Variants in AKAP10 observed in about 807,000 individuals in gnomAD.
The protein encoded by AKAP10 is A-kinase anchor protein 10, mitochondrial.
A neutral mutation model predicts 80.8 loss-of-function variants in AKAP10; 24 were observed. The ratio of observed to expected loss-of-function variants is 0.30; its 90% CI spans 0.22 to 0.42. The LOEUF is 0.42. Ranked by LOEUF, AKAP10 falls within the 10% of genes least tolerant of loss-of-function variation. The probability of loss-of-function intolerance (pLI) is 1.00; values close to 1 mark genes in which losing one functional copy is unlikely to be tolerated. For synonymous variants in AKAP10, 291 were observed against 277.7 expected, an observed-to-expected ratio of 1.05 and a Z score of -0.48; for missense variants, 661 against 794.9, an observed-to-expected ratio of 0.83 and a Z score of 2.03.
chr17:19,907,013 T>TG (rs2042638103), intron 14 of AKAP10, among the ~76,000 whole-genome samples: 4 of 130,106 alleles, frequency 3.1e-5, no homozygotes, highest in African/African-American at 6.6e-5. Flanking sequence ...TCGAGTCTAC[T>TG]GTTTTTTTTT....
At chr17:19,976,430 G>A (rs1158152518) in intron 1 of AKAP10, among the ~76,000 whole-genome samples, 2 of 151,622 alleles carry the variant, frequency 1.3e-5, no homozygotes, top group Non-Finnish European at 2.9e-5. Context: ...GCAGTGAGCC[G>A]AGACTGAGAT....
chr17:19,959,599 T>C (rs986962649), intron 3 of AKAP10, among the ~76,000 whole-genome samples: 1 of 152,154 alleles, frequency 6.6e-6, no homozygotes, highest in Non-Finnish European at 1.5e-5. Context: ...TAATAAAAAA[T>C]CATTTATCTT....
At chr17:19,968,495 T>G (rs2043452398) in intron 1 of AKAP10, 34 bp from the exon 2 acceptor site, 1 of 1,569,534 alleles carries the variant, frequency 6.4e-7, no homozygotes, top group Non-Finnish European at 8.8e-7. Flanking sequence ...GACCAACTTT[T>G]GCAGTCAGAG....
At chr17:19,946,222 TTATATATATATATATTATA>T (rs1438277552) in intron 5 of AKAP10, among the ~76,000 whole-genome samples, 8 of 33,956 alleles carry the variant, frequency 2.4e-4, no homozygotes, top group South Asian at 2.2e-3. Context: ...TATATATATT[TTATATATATATATATTATA>T]TATATATATA....
At chr17:19,941,180 C>T (rs551839100) in intron 6 of AKAP10, among the ~76,000 whole-genome samples, 170 bp from the exon 7 acceptor site, 5 of 152,324 alleles carry the variant, frequency 3.3e-5, no homozygotes, top group Admixed American at 3.3e-4. Flanking sequence ...TAATCTCTCC[C>T]ACCTTTTTAT....
chr17:19,943,887 G>C (rs1022784242), intron 5 of AKAP10, among the ~76,000 whole-genome samples: 2 of 152,098 alleles, frequency 1.3e-5, no homozygotes, highest in African/African-American at 4.8e-5. Flanking sequence ...GGTGTTCACT[G>C]AACAATCATC....
At chr17:19,934,849 C>T (rs982454591) in intron 9 of AKAP10, among the ~76,000 whole-genome samples, 5 of 152,046 alleles carry the variant, frequency 3.3e-5, no homozygotes, top group African/African-American at 4.8e-5. Context: ...CCTGTCTCTA[C>T]TAAAATACAA....
chr17:19,970,160 C>T (rs1597533822), intron 1 of AKAP10, among the ~76,000 whole-genome samples: 1 of 152,276 alleles, frequency 6.6e-6, no homozygotes, highest in African/African-American at 2.4e-5. Flanking sequence ...TCATCTTCTC[C>T]CAAACCTGTT....
At chr17:19,938,682 G>A (rs181627859) in intron 8 of AKAP10, among the ~76,000 whole-genome samples, 18 of 151,134 alleles carry the variant, frequency 1.2e-4, no homozygotes, top group Admixed American at 1.1e-3. Flanking sequence ...CTATCCCCAA[G>A]TTACCCCTTT....
At chr17:19,964,273 G>C (rs984331280) in intron 2 of AKAP10, among the ~76,000 whole-genome samples, 1 of 151,972 alleles carries the variant, frequency 6.6e-6, no homozygotes, top group Non-Finnish European at 1.5e-5. Flanking sequence ...GGCTTTCCCC[G>C]GTCCCTCTTA....
At chr17:19,974,344 T>C (rs76402333) in intron 1 of AKAP10, among the ~76,000 whole-genome samples, 1,868 of 152,316 alleles carry the variant, frequency 0.012, 36 homozygotes, top group African/African-American at 0.042. Flanking sequence ...CCAGGATGGC[T>C]CTGAATGTGC....
chr17:19,960,770 A>G (rs1474091364), intron 3 of AKAP10, among the ~76,000 whole-genome samples: 2 of 152,192 alleles, frequency 1.3e-5, no homozygotes, highest in Admixed American at 6.5e-5. Context: ...TCATGCCTGT[A>G]ATCCCAGCAC....
rs1293281662 is a variant in AKAP10, at chr17:19,909,840, C to T, written c.1887+86G>A. 17 of 1,278,214 alleles carry T rather than the reference C, an allele frequency of 1.3e-5. No individual in the cohort carries two copies. In the Admixed American group the frequency reaches 3.0e-4, roughly 23 times the overall value. 79.2% of individuals were successfully genotyped at this position (1,278,214 alleles called of 1,614,324 possible). ...GTGCCATGCTGCTTAAACATGGGAC[C>T]TAAAGAAAAGGAAAATTTTAAACCT... On this transcript the variant is annotated intron_variant, in intron 13 of 14. Transcript: ENST00000225737.
chr17:19,946,272 T>A (rs1567766010), intron 5 of AKAP10, among the ~76,000 whole-genome samples: 1 of 30,378 alleles, frequency 3.3e-5, no homozygotes, highest in African/African-American at 1.3e-4. Context: ...TATATATATA[T>A]ATATTTTTTT....
At chr17:19,940,676 C>G (rs1229364547) in intron 7 of AKAP10, among the ~76,000 whole-genome samples, 2 of 152,180 alleles carry the variant, frequency 1.3e-5, no homozygotes, top group Non-Finnish European at 2.9e-5. Context: ...TTAGGTTTCT[C>G]AAAATTAGAG....
chr17:19,960,559 C>A (rs540679716), intron 3 of AKAP10, among the ~76,000 whole-genome samples: 7 of 152,220 alleles, frequency 4.6e-5, no homozygotes, highest in African/African-American at 1.4e-4. Flanking sequence ...GAATGGTATT[C>A]CATGGTATGA....
chr17:19,953,560 A>G (rs780716666), intron 4 of AKAP10, among the ~76,000 whole-genome samples: 2 of 152,216 alleles, frequency 1.3e-5, no homozygotes, highest in Non-Finnish European at 2.9e-5. Flanking sequence ...GGATACCACT[A>G]CAAACCCGAA....
chr17:19,960,957 C>T (rs765137269), intron 3 of AKAP10, among the ~76,000 whole-genome samples: 26 of 151,806 alleles, frequency 1.7e-4, no homozygotes, highest in South Asian at 8.3e-4. Flanking sequence ...ACCTGGGAGG[C>T]GGAGGTTGCA....
chr17:19,939,084 C>T (rs1401926759), intron 8 of AKAP10, among the ~76,000 whole-genome samples: 2 of 152,126 alleles, frequency 1.3e-5, no homozygotes, highest in Non-Finnish European at 2.9e-5. Flanking sequence ...GAATACCATA[C>T]GTTACAGAGC....
Sources: allele counts gnomAD v4.1 joint callset (sites outside exome capture counted in the v4.1 genomes callset), GRCh38; gene constraint gnomAD v4.1.1; transcripts MANE v1.5; gene names NCBI Gene and HGNC (gene_info 2026-07-23, HGNC 2026-07-21).